The following KIF24 variants were observed in gnomAD, a reference collection of about 807,000 sequenced individuals.
The protein encoded by KIF24 is kinesin family member 24.
In KIF24, 81 loss-of-function variants were observed where a neutral mutation model predicts 118.9. The ratio of observed to expected loss-of-function variants is 0.68; its 90% CI spans 0.57 to 0.82. The LOEUF (loss-of-function observed/expected upper bound fraction) is 0.82. Ranked by LOEUF, KIF24 falls within the 40% of genes least tolerant of loss-of-function variation. KIF24 has a pLI of 0.00. For missense variants in KIF24, 1,560 were observed against 1,661.6 expected, an observed-to-expected ratio of 0.94 and a Z score of 1.06; for synonymous variants, 599 against 610.0, an observed-to-expected ratio of 0.98 and a Z score of 0.27.
chr9:34,313,738 GTTT>G (rs5897567), intron 1 of KIF24, among the ~76,000 whole-genome samples: 1 of 130,358 alleles, frequency 7.7e-6, no homozygotes, highest in Non-Finnish European at 1.6e-5. Context: ...CCCGTTATCT[GTTT>G]TTTTTTTTTT....
intron 9 of KIF24, 110 bp from the exon 10 acceptor site, chr9:34,259,815 GGTAATTAACATTAACAAA>G: frequency 1.5e-6 from 1 of 671,168 alleles, no homozygotes; most frequent in Non-Finnish European, 2.7e-6. Flanking sequence ...TCCACAAAAA[GGTAATTAACATTAACAAA>G]AGAAAAAATA....
chr9:34,279,472 T>C (rs925695912), intron 6 of KIF24, among the ~76,000 whole-genome samples: 4 of 152,360 alleles, frequency 2.6e-5, no homozygotes, highest in African/African-American at 9.6e-5. Flanking sequence ...TGCCCATTAA[T>C]TGTCTGACAA....
intron 5 of KIF24, among the ~76,000 whole-genome samples, chr9:34,287,750 G>C (rs193184988): frequency 1.3e-5 from 2 of 152,030 alleles, no homozygotes; most frequent in African/African-American, 4.8e-5. Context: ...GAATCTAGCC[G>C]TTGGATGCAG....
Position 34,318,628 on chromosome 9 carries a change from C to A in KIF24, c.-25-7257G>T. 6.5e-7 allele frequency: 1 copy of A among 1,529,294 alleles called. No individual in the cohort carries two copies. Among genetic ancestry groups the A allele is most frequent in the Non-Finnish European group, 8.9e-7 (1 of 1,122,030 alleles). The allele number at this position is 1,529,294 out of a possible 1,614,324, so 94.7% of individuals were successfully genotyped here. A position where few individuals can be genotyped will look rare whatever the true frequency, so the allele number is the denominator to read the frequency against. ...TCCTGGTGTCGCCCGTGGTGGTGGC[C>A]TCGTCGTTGGGGCTCGTGTCGCTGG... On this transcript the variant is annotated intron_variant, in intron 1 of 12. Coordinates refer to ENST00000402558, the MANE Select transcript of KIF24 (RefSeq NM_194313.4). This position sits in a 1 kb window ranked among gnomAD's most constrained non-coding sequence, Gnocchi z 4.9.
At chr9:34,316,908 T>C (rs990580186) in intron 1 of KIF24, among the ~76,000 whole-genome samples, 1 of 151,044 alleles carries the variant, frequency 6.6e-6, no homozygotes, top group African/African-American at 2.4e-5. Flanking sequence ...CCCGTCTCTA[T>C]TAAAAATACA....
At chr9:34,272,786 C>T (rs889381890) in intron 6 of KIF24, among the ~76,000 whole-genome samples, 2 of 152,078 alleles carry the variant, frequency 1.3e-5, no homozygotes, top group Non-Finnish European at 2.9e-5. Context: ...CCACACCTGG[C>T]TAATTTTAAA....
Position 34,262,980 on chromosome 9 carries a change from TC to T in KIF24, c.1515+120del, listed in dbSNP as rs1202666869. 7.0e-6 allele frequency: 5 copies of T among 713,052 alleles called. No individual in the cohort carries two copies. The Admixed American group carries it at 1.1e-4, about 15-fold the overall frequency. 44.2% of individuals were successfully genotyped at this position (713,052 alleles called of 1,614,324 possible). ...GAATTTCACTCCTCTCCTTCTCTTT[TC>T]CCCACTGTGCCCAGCATCATGTCTT... is the stretch of plus-strand genomic sequence containing the variant. On this transcript the variant is annotated intron_variant, in intron 9 of 12. Coordinates refer to ENST00000402558, the MANE Select transcript of KIF24 (RefSeq NM_194313.4).
At chr9:34,330,030 A>T (rs757850939), upstream of KIF24, among the ~76,000 whole-genome samples, 23 of 152,268 alleles carry the variant, frequency 1.5e-4, no homozygotes, top group Non-Finnish European at 2.9e-4. Context: ...AATGGATAAT[A>T]TCGTGGCAGT....
intron 5 of KIF24, among the ~76,000 whole-genome samples, chr9:34,287,226 T>C (rs924049416): frequency 6.6e-6 from 1 of 152,236 alleles, no homozygotes; most frequent in Non-Finnish European, 1.5e-5. Context: ...TGGGTCCTTA[T>C]TGCATCCCTG....
intron 1 of KIF24, among the ~76,000 whole-genome samples, chr9:34,312,857 C>A (rs558386765): frequency 6.6e-6 from 1 of 152,282 alleles, no homozygotes; most frequent in African/African-American, 2.4e-5. Context: ...TGCCACCACA[C>A]CCGGCTAATT....
intron 1 of KIF24, chr9:34,319,148 G>A: frequency 6.3e-7 from 1 of 1,588,618 alleles, no homozygotes. Context: ...CTATGACAAT[G>A]AGAAGGAAAA....
intron 3 of KIF24, among the ~76,000 whole-genome samples, chr9:34,297,623 A>G (rs963640018): frequency 8.5e-5 from 13 of 152,054 alleles, no homozygotes; most frequent in African/African-American, 3.1e-4. Flanking sequence ...TTAGCCGGGC[A>G]TGGTGGTGGG....
intron 1 of KIF24, among the ~76,000 whole-genome samples, chr9:34,316,419 T>C (rs1445174085): frequency 6.6e-6 from 1 of 152,198 alleles, no homozygotes; most frequent in African/African-American, 2.4e-5. Context: ...CACCTGCTTA[T>C]GTGGCCATAG....
At chr9:34,310,173 ATC>A (rs1837083710) in intron 2 of KIF24, among the ~76,000 whole-genome samples, 1 of 152,158 alleles carries the variant, frequency 6.6e-6, no homozygotes, top group Non-Finnish European at 1.5e-5. Flanking sequence ...CACCAAAATT[ATC>A]TGTTTTTTCC....
chr9:34,254,177 TGGAACTGAG>T lies in KIF24; in HGVS notation c.*194_*202del, dbSNP rs1834722482. 3 of 471,720 alleles carry T rather than the reference TGGAACTGAG, an allele frequency of 6.4e-6. No homozygotes were observed. Among genetic ancestry groups the T allele is most frequent in the Non-Finnish European group, 1.1e-5 (3 of 271,570 alleles). The allele number at this position is 471,720 out of a possible 1,614,324, so 29.2% of individuals were successfully genotyped here. On this transcript the variant is annotated 3_prime_UTR_variant, in exon 13 of 13. Coordinates refer to ENST00000402558, the MANE Select transcript of KIF24 (RefSeq NM_194313.4). ...CCACCCTTGGAGGCACTCCTGTGCA[TGGAACTGAG>T]GGACAGGGGCCTGTCCCTGAGGGAG... is the stretch of plus-strand genomic sequence containing the variant.
At chr9:34,275,973 G>A (rs543800916) in intron 6 of KIF24, among the ~76,000 whole-genome samples, 49 of 152,308 alleles carry the variant, frequency 3.2e-4, no homozygotes, top group Non-Finnish European at 6.0e-4. Context: ...ACAAACTCAG[G>A]TTGATTTATT....
At chr9:34,283,604 T>C (rs1296553569) in intron 6 of KIF24, among the ~76,000 whole-genome samples, 1 of 152,128 alleles carries the variant, frequency 6.6e-6, no homozygotes, top group Non-Finnish European at 1.5e-5. Context: ...AAAGACATTA[T>C]GATGAAACTG....
rs569962320 is a variant in KIF24, at chr9:34,318,798, GT to G, written c.-25-7428del. 535 of 1,553,362 alleles carry G rather than the reference GT, an allele frequency of 3.4e-4. 5 individuals are homozygous for G. In the East Asian group the frequency reaches 0.012, roughly 35 times the overall value. On this transcript the variant is annotated intron_variant, in intron 1 of 12. Transcript: ENST00000402558. This position sits in a 1 kb window ranked among gnomAD's most constrained non-coding sequence, Gnocchi z 4.9. ...CGCAACGTGACCTGGAAGCTGTGCA[GT>G]CGCCTGTAGGGACCCAGCTCAGTGA...
chr9:34,254,377 G>GCT lies in KIF24; in HGVS notation c.*1_*2dup. ...CCCCACCATCTCGGCACAGGGTCTG[G>GCT]CTCTAAGACGGCACTGTTCCCTCAG... On this transcript the variant is annotated 3_prime_UTR_variant, in exon 13 of 13. Transcript: ENST00000402558. 1 of 1,611,578 alleles carries GCT rather than the reference G, an allele frequency of 6.2e-7. No homozygotes were observed. Among genetic ancestry groups the GCT allele is most frequent in the Non-Finnish European group, 8.5e-7 (1 of 1,179,402 alleles).
Sources: gnomAD v4.1 joint callset for allele counts (sites outside exome capture counted in the v4.1 genomes callset) on GRCh38, gnomAD v4.1.1 for gene constraint, Gnocchi (gnomAD v3.1) non-coding constraint, MANE v1.5 for transcripts, NCBI Gene and HGNC (gene_info 2026-07-23, HGNC 2026-07-21) for gene names.